RARB: variants seen among roughly 807,000 people sequenced by gnomAD.
RARB encodes retinoic acid receptor beta, also known as HBV-activated protein.
A neutral mutation model predicts 51.9 loss-of-function variants in RARB; 17 were observed. The ratio of observed to expected loss-of-function variants is 0.33; its 90% CI spans 0.22 to 0.49. RARB has a LOEUF of 0.49. Among genes scored for constraint, RARB ranks in the 20% least tolerant of loss-of-function variants. The probability of loss-of-function intolerance (pLI) is 0.99; values close to 1 mark genes in which losing one functional copy is unlikely to be tolerated. For missense variants in RARB, 369 were observed against 550.8 expected, an observed-to-expected ratio of 0.67 and a Z score of 3.30; for synonymous variants, 215 against 195.4, an observed-to-expected ratio of 1.10 and a Z score of -0.84.
chr3:25,501,046 T>G (rs1697286326), intron 2 of RARB, 136 bp from the exon 3 acceptor site: 3 of 1,027,754 alleles, frequency 2.9e-6, no homozygotes, highest in African/African-American at 3.3e-5. Context: ...ATTTTAAGGT[T>G]TATGTAAGTT....
At chr3:24,906,811 C>T (rs1307700939) in intron 2 of RARB, among the ~76,000 whole-genome samples, 3 of 141,934 alleles carry the variant, frequency 2.1e-5, no homozygotes, top group African/African-American at 7.8e-5. Context: ...TGCCACTGCG[C>T]TCCAGCCTGG....
At chr3:25,456,682 TAGAGAGAGAGAGAGAG>T (rs201238732) in intron 1 of RARB, among the ~76,000 whole-genome samples, 2 of 88,394 alleles carry the variant, frequency 2.3e-5, no homozygotes, top group Admixed American at 1.2e-4. Context: ...TATATATATA[TAGAGAGAGAGAGAGAG>T]AGAGAGAGAG....
chr3:24,841,717 A>G (rs1398541814), intron 1 of RARB, among the ~76,000 whole-genome samples: 1 of 152,220 alleles, frequency 6.6e-6, no homozygotes, highest in Non-Finnish European at 1.5e-5. Flanking sequence ...CTGGTTTACT[A>G]CTAATGAAAT....
At chr3:25,521,553 A>G (rs1378162883) in intron 3 of RARB, among the ~76,000 whole-genome samples, 1 of 152,206 alleles carries the variant, frequency 6.6e-6, no homozygotes, top group African/African-American at 2.4e-5. Flanking sequence ...TAATTCATTA[A>G]TAAATGTGGA....
At chr3:25,097,084 G>A (rs961278572) in intron 3 of RARB, among the ~76,000 whole-genome samples, 2 of 152,176 alleles carry the variant, frequency 1.3e-5, no homozygotes, top group Admixed American at 6.6e-5. Flanking sequence ...CTAAATGGGT[G>A]CAAGTGACTT....
At chr3:25,346,003 G>T in intron 5 of RARB, 1 of 500,188 alleles carries the variant, frequency 2.0e-6, no homozygotes, top group Non-Finnish European at 2.6e-6. Flanking sequence ...TAGTTCTTCT[G>T]ACCCGGGCTG....
chr3:24,996,852 T>G (rs1011608617), intron 2 of RARB, among the ~76,000 whole-genome samples: 1 of 152,074 alleles, frequency 6.6e-6, no homozygotes, highest in African/African-American at 2.4e-5. Flanking sequence ...AAAAAAAATT[T>G]AGAGACTTGT....
At chr3:25,062,068 T>C (rs1235080962) in intron 3 of RARB, among the ~76,000 whole-genome samples, 2 of 151,754 alleles carry the variant, frequency 1.3e-5, no homozygotes, top group African/African-American at 4.8e-5. Flanking sequence ...GTATAAAATA[T>C]CTTTATGGCA....
At chr3:25,107,806 A>T (rs1699534637) in intron 3 of RARB, among the ~76,000 whole-genome samples, 1 of 152,168 alleles carries the variant, frequency 6.6e-6, no homozygotes, top group Non-Finnish European at 1.5e-5. Flanking sequence ...ACTAACATAA[A>T]TTTTTTCTCA....
rs551334547 is a variant in RARB at position 25,510,924 on chromosome 3, A to C, written c.448+9601A>C. On this transcript the variant is annotated intron_variant, in intron 3 of 7. Transcript: ENST00000330688. ...GGCAACAATCCCTAGGTAGGACTGA[A>C]ATGTATTTATTTCAGATGTCTGCAA... is the stretch of plus-strand genomic sequence containing the variant. Among the ~76,000 whole-genome samples, 3 of 152,282 alleles carry C rather than the reference A, an allele frequency of 2.0e-5. No homozygotes were observed. The South Asian group carries it at 6.2e-4, about 32-fold the overall frequency.
At chr3:25,242,821 G>A (rs899272993) in intron 5 of RARB, among the ~76,000 whole-genome samples, 1 of 152,090 alleles carries the variant, frequency 6.6e-6, no homozygotes, top group Admixed American at 6.5e-5. Flanking sequence ...GAAATTTAAA[G>A]AAGTTTTTTC....
At chr3:25,435,762 CAAAT>C (rs1708407511) in intron 1 of RARB, among the ~76,000 whole-genome samples, 1 of 152,006 alleles carries the variant, frequency 6.6e-6, no homozygotes, top group South Asian at 2.1e-4. Flanking sequence ...AGATAAACAA[CAAAT>C]AATTGATGAA....
In RARB at chr3:24,912,996, T is replaced by TTTTTTTTTTTA. The variant is rs1491080482; in HGVS notation, c.-380+54245_-380+54246insTTTTTTTTTAT. On this transcript the variant is annotated intron_variant, in intron 2 of 11. Coordinates refer to the RARB transcript ENST00000383772. ...GATTCTTTTTTTTTTTTTTTTTTTT[T>TTTTTTTTTTTA]TGGAGACAGAGTCTCGCTCTGTCGC... is the stretch of plus-strand genomic sequence containing the variant. Among the ~76,000 whole-genome samples the TTTTTTTTTTTA allele has an allele frequency of 2.7e-3, 358 of 133,042 alleles. 5 individuals carry two copies. Among genetic ancestry groups the TTTTTTTTTTTA allele is most frequent in the African/African-American group, 9.9e-3 (345 of 34,830 alleles). The allele number at this position is 133,042 out of a possible 152,430, so 87.3% of individuals were successfully genotyped here.
At chr3:25,576,627 G>C (rs1700946138) in intron 4 of RARB, among the ~76,000 whole-genome samples, 2 of 152,178 alleles carry the variant, frequency 1.3e-5, no homozygotes, top group South Asian at 4.1e-4. Flanking sequence ...GAATCCTGCG[G>C]CATCACTCTT....
rs1701941747 is a variant in RARB, at chr3:25,597,835, ATTGAGATT to A, written c.*1220_*1227del. On this transcript the variant is annotated 3_prime_UTR_variant, in exon 8 of 8. Transcript: ENST00000330688. ...GTACTTTCACTGGCTCTGTTTGTACATTGAGATTGTTTGTTTAACAATGCTTTCTATGT... is the reference window on the plus strand; with the variant it reads ...GTACTTTCACTGGCTCTGTTTGTACAGTTTGTTTAACAATGCTTTCTATGT... 6.6e-6 allele frequency: 1 copy of A among 152,222 alleles called. No homozygotes were observed. Among genetic ancestry groups the A allele is most frequent in the Admixed American group, 6.6e-5 (1 of 15,240 alleles). 9.4% of individuals were successfully genotyped at this position (152,222 alleles called of 1,614,324 possible).
chr3:25,049,263 C>T (rs1324700242), intron 2 of RARB, among the ~76,000 whole-genome samples: 1 of 152,162 alleles, frequency 6.6e-6, no homozygotes, highest in African/African-American at 2.4e-5. Context: ...GGCTGAAGCT[C>T]ATCAAGAAAA....
At chr3:24,878,937 ATT>A (rs1249876880) in intron 2 of RARB, among the ~76,000 whole-genome samples, 1 of 152,110 alleles carries the variant, frequency 6.6e-6, no homozygotes, top group East Asian at 1.9e-4. Context: ...AAAATTTCTC[ATT>A]TTTATTTCTT....
chr3:24,892,434 C>T (rs1703403708), intron 2 of RARB, among the ~76,000 whole-genome samples: 1 of 152,072 alleles, frequency 6.6e-6, no homozygotes, highest in Non-Finnish European at 1.5e-5. Flanking sequence ...GCAGATAGAA[C>T]TTATGAAGGT....
intron 3 of RARB, among the ~76,000 whole-genome samples, chr3:25,069,157 G>T (rs968996799): frequency 6.6e-6 from 1 of 151,888 alleles, no homozygotes; most frequent in Non-Finnish European, 1.5e-5. Context: ...AAGAAGGAAA[G>T]GGAAGAGAAA....
Sources: gnomAD v4.1 joint callset for allele counts (sites outside exome capture counted in the v4.1 genomes callset) on GRCh38, gnomAD v4.1.1 for gene constraint, MANE v1.5 for transcripts, NCBI Gene and HGNC (gene_info 2026-07-23, HGNC 2026-07-21) for gene names.